Variants in CAMKMT observed in about 807,000 individuals in gnomAD.
The protein encoded by CAMKMT is calmodulin-lysine N-methyltransferase.
Under a neutral mutation model 48.0 loss-of-function variants are expected in CAMKMT, and 53 were observed. The ratio of observed to expected loss-of-function variants is 1.10; its 90% CI spans 0.89 to 1.39. The LOEUF (loss-of-function observed/expected upper bound fraction) is 1.39. Ranked by LOEUF, CAMKMT falls within the 40% of genes most tolerant of loss-of-function variation. The probability of loss-of-function intolerance (pLI) is 0.00; values close to 1 mark genes in which losing one functional copy is unlikely to be tolerated. For synonymous variants in CAMKMT, 165 were observed against 152.3 expected (o/e 1.08, Z -0.61); for missense variants, 428 against 402.7 (o/e 1.06, Z -0.54).
At chr2:44,367,595 CT>C (rs1236492719) in intron 1 of CAMKMT, among the ~76,000 whole-genome samples, 8 of 152,264 alleles carry the variant, frequency 5.3e-5, no homozygotes, top group Admixed American at 6.5e-5. Context: ...ATCCAAAACA[CT>C]TCTGGTTCCA....
intron 3 of CAMKMT, among the ~76,000 whole-genome samples, chr2:44,608,694 C>T (rs1375011440): frequency 6.6e-6 from 1 of 152,088 alleles, no homozygotes; most frequent in Non-Finnish European, 1.5e-5. Flanking sequence ...AATCTGGATC[C>T]AATCAGAATC....
intron 3 of CAMKMT, among the ~76,000 whole-genome samples, chr2:44,505,714 C>T (rs1387847272): frequency 2.0e-5 from 3 of 152,024 alleles, no homozygotes; most frequent in East Asian, 1.9e-4. Flanking sequence ...CTGTCAGAGG[C>T]GGAAGAAAAT....
At chr2:44,691,402 G>C (rs1033200008) in intron 3 of CAMKMT, among the ~76,000 whole-genome samples, 1 of 152,204 alleles carries the variant, frequency 6.6e-6, no homozygotes, top group Non-Finnish European at 1.5e-5. Context: ...ACATGGCTGG[G>C]ACCTTGTCCA....
At chr2:44,714,218 C>A (rs1375086359) in intron 6 of CAMKMT, among the ~76,000 whole-genome samples, 1 of 152,120 alleles carries the variant, frequency 6.6e-6, no homozygotes, top group Non-Finnish European at 1.5e-5. Context: ...TGCACAGGTG[C>A]TGGAGCAAAG....
chr2:44,515,565 A>G (rs1183046676), intron 3 of CAMKMT, among the ~76,000 whole-genome samples: 1 of 152,218 alleles, frequency 6.6e-6, no homozygotes, highest in African/African-American at 2.4e-5. Flanking sequence ...TACATGAATC[A>G]AAGATATGAC....
At position 44,707,434 on chromosome 2, in the gene CAMKMT, A is replaced by T; in HGVS notation, c.528A>T (p.Leu176Phe). ...CTGCAGATGTCAAAGAAGTTCTGTTAACTGATGGGAATGAAAAGGCCATCA... is the reference window on the plus strand; with the variant it reads ...CTGCAGATGTCAAAGAAGTTCTGTTTACTGATGGGAATGAAAAGGCCATCA... ...AISADVKEVL[L>F]TDGNEKAIRN... The change falls in exon 6 of 11, where the codon TTA (leucine) becomes TTT (phenylalanine). Residue 176 changes from leucine (L) to phenylalanine (F), a missense_variant. By Grantham distance (22) the Leu-to-Phe change is conservative. Coordinates refer to ENST00000378494, the MANE Select transcript of CAMKMT (RefSeq NM_024766.5). 1.9e-6 allele frequency: 3 copies of T among 1,612,638 alleles called. No individual in the cohort carries two copies. The highest frequency in any genetic ancestry group is 2.5e-6 in the Non-Finnish European group (3 of 1,179,224).
At chr2:44,540,263 T>C (rs4953096) in intron 3 of CAMKMT, among the ~76,000 whole-genome samples, 68,426 of 151,830 alleles carry the variant, frequency 0.45, 17,657 homozygotes, top group Non-Finnish European at 0.59. Context: ...GTTCAAATTG[T>C]CCCAGATTTT....
intron 3 of CAMKMT, among the ~76,000 whole-genome samples, chr2:44,579,322 A>G (rs1572845027): frequency 6.6e-6 from 1 of 152,178 alleles, no homozygotes; most frequent in East Asian, 1.9e-4. Context: ...AGATGCCAAC[A>G]TGGAAGCCCA....
chr2:44,461,458 A>C (rs567674164), intron 3 of CAMKMT, among the ~76,000 whole-genome samples: 126 of 152,334 alleles, frequency 8.3e-4, no homozygotes, highest in African/African-American at 2.9e-3. Context: ...ATTAAAACCT[A>C]GGCAGTTTGG....
chr2:44,441,059 A>G (rs1666626878), intron 3 of CAMKMT, among the ~76,000 whole-genome samples: 1 of 152,136 alleles, frequency 6.6e-6, no homozygotes, highest in South Asian at 2.1e-4. Context: ...CACCTATTAA[A>G]TCATATTCTT....
chr2:44,771,196 G>C (rs1420400705), intron 10 of CAMKMT, among the ~76,000 whole-genome samples: 2 of 152,002 alleles, frequency 1.3e-5, no homozygotes, highest in African/African-American at 4.8e-5. Context: ...TAAAGGAATT[G>C]ACTCCCTGTA....
chr2:44,595,969 C>T (rs1670629712), intron 3 of CAMKMT, among the ~76,000 whole-genome samples: 1 of 149,376 alleles, frequency 6.7e-6, no homozygotes, highest in Non-Finnish European at 1.5e-5. Context: ...GGGGGCATCA[C>T]ACACTGGGGC....
intron 3 of CAMKMT, among the ~76,000 whole-genome samples, chr2:44,641,465 GC>G (rs1673448816): frequency 6.6e-6 from 1 of 151,792 alleles, no homozygotes; most frequent in Admixed American, 6.6e-5. Flanking sequence ...CAGACCTAAG[GC>G]AGTAGACTCA....
At chr2:44,686,590 A>C (rs991057320) in intron 3 of CAMKMT, among the ~76,000 whole-genome samples, 2 of 152,220 alleles carry the variant, frequency 1.3e-5, no homozygotes, top group Non-Finnish European at 2.9e-5. Flanking sequence ...CAGAATAAAA[A>C]GCTTATTTAA....
intron 3 of CAMKMT, among the ~76,000 whole-genome samples, chr2:44,436,433 G>A (rs1354950216): frequency 6.6e-6 from 1 of 152,070 alleles, no homozygotes; most frequent in African/African-American, 2.4e-5. Flanking sequence ...ATAAAGAAAG[G>A]GGACACCAAT....
At chr2:44,374,165 A>G (rs192734980) in intron 2 of CAMKMT, among the ~76,000 whole-genome samples, 1 of 151,880 alleles carries the variant, frequency 6.6e-6, no homozygotes, top group Non-Finnish European at 1.5e-5. Flanking sequence ...AAAATGCCAA[A>G]TAAAATATAT....
intron 10 of CAMKMT, among the ~76,000 whole-genome samples, chr2:44,767,155 A>T (rs544150102): frequency 6.6e-5 from 10 of 152,346 alleles, no homozygotes; most frequent in African/African-American, 2.4e-4. Context: ...CCTTTTTATT[A>T]TTTATAGGTA....
At chr2:44,492,757 A>T (rs903590691) in intron 3 of CAMKMT, among the ~76,000 whole-genome samples, 2 of 152,308 alleles carry the variant, frequency 1.3e-5, no homozygotes, top group African/African-American at 4.8e-5. Context: ...AATAGGACAC[A>T]GTTCTTTCTA....
At chr2:44,590,416 C>T (rs1670187452) in intron 3 of CAMKMT, among the ~76,000 whole-genome samples, 2 of 152,266 alleles carry the variant, frequency 1.3e-5, no homozygotes, top group Admixed American at 1.3e-4. Context: ...AGTTTTTAAA[C>T]TACAAATTTC....
Sources: allele counts gnomAD v4.1 joint callset (sites outside exome capture counted in the v4.1 genomes callset), GRCh38; gene constraint gnomAD v4.1.1; transcripts MANE v1.5; gene names NCBI Gene and HGNC (gene_info 2026-07-23, HGNC 2026-07-21).